The following ASH1L variants were observed in gnomAD, a reference collection of about 807,000 sequenced individuals.
ASH1L encodes the protein histone-lysine N-methyltransferase ASH1L.
A neutral mutation model predicts 269.0 loss-of-function variants in ASH1L; 23 were observed. That is an observed-to-expected ratio of 0.09 (90% CI 0.06 to 0.12). The LOEUF (loss-of-function observed/expected upper bound fraction) is 0.12. ASH1L is among the 10% of genes least tolerant of loss of function. ASH1L has a pLI of 1.00. For missense variants in ASH1L, 2,912 were observed against 3,567.8 expected (o/e 0.82, Z 4.68); for synonymous variants, 1,187 against 1,253.5 (o/e 0.95, Z 1.12).
intron 5 of ASH1L, among the ~76,000 whole-genome samples, chr1:155,416,978 C>A (rs1340240231): frequency 1.3e-5 from 2 of 149,202 alleles, no homozygotes; most frequent in African/African-American, 2.5e-5. Context: ...GTCTCCCAGG[C>A]TGGAGTGCAG....
chr1:155,506,124 T>C (rs1667802877), intron 2 of ASH1L, among the ~76,000 whole-genome samples: 1 of 152,212 alleles, frequency 6.6e-6, no homozygotes, highest in African/African-American at 2.4e-5. Flanking sequence ...TTGCTCAGAA[T>C]GATGGTTTCC....
intron 6 of ASH1L, among the ~76,000 whole-genome samples, chr1:155,411,586 A>AATAAATAAATAAATATAT (rs1297131961): frequency 5.4e-5 from 3 of 55,182 alleles, no homozygotes; most frequent in African/African-American, 7.9e-5. Context: ...TAAATAAATA[A>AATAAATAAATAAATATAT]ATATATATAT....
intron 12 of ASH1L, among the ~76,000 whole-genome samples, chr1:155,364,001 A>C (rs1013388157): frequency 3.3e-5 from 5 of 150,294 alleles, no homozygotes; most frequent in Non-Finnish European, 7.4e-5. Flanking sequence ...AACCAAAAAA[A>C]GGTATCTTCT....
chr1:155,556,468 A>G (rs6678010), intron 1 of ASH1L, among the ~76,000 whole-genome samples: 141,590 of 150,766 alleles, frequency 0.94, 67,161 homozygotes, highest in East Asian at 1. Flanking sequence ...TTTTTGAGAC[A>G]GAGTTTCACT....
At position 155,562,430 on chromosome 1, in the gene ASH1L, C is replaced by CGGCGGCGGCGGCGGCAGCAGCAGAGT. The variant is rs1166698902; in HGVS notation, c.-403_-378dup. 6 of 1,462,894 alleles carry CGGCGGCGGCGGCGGCAGCAGCAGAGT rather than the reference C, an allele frequency of 4.1e-6. No homozygotes were observed. Among genetic ancestry groups the CGGCGGCGGCGGCGGCAGCAGCAGAGT allele is most frequent in the Admixed American group, 2.0e-5 (1 of 50,640 alleles). The allele number at this position is 1,462,894 out of a possible 1,614,324, so 90.6% of individuals were successfully genotyped here. A position where few individuals can be genotyped will look rare whatever the true frequency, so the allele number is the denominator to read the frequency against. On this transcript the variant is annotated 5_prime_UTR_variant, in exon 1 of 28. Coordinates refer to ENST00000392403, the MANE Select transcript of ASH1L (RefSeq NM_018489.3). ...GAACCCAAAATGGCGGCGGGAGCGG[C>CGGCGGCGGCGGCGGCAGCAGCAGAGT]GGCGGCGGCGGCGGCAGCAGCAGAG... is the stretch of plus-strand genomic sequence containing the variant.
In ASH1L at chr1:155,415,734, T is replaced by G; in HGVS notation, c.6008+10A>C. ...AAAAGGGATGTTAGCTAATAGGTAC[T>G]ACTACTTACTCTGTAGTTTTGTAAA... is the stretch of plus-strand genomic sequence containing the variant. On this transcript the variant is annotated intron_variant, in intron 6 of 27. Transcript: ENST00000392403. The G allele has an allele frequency of 6.2e-7, 1 of 1,612,352 alleles. No individual in the cohort carries two copies. Among genetic ancestry groups the G allele is most frequent in the Non-Finnish European group, 8.5e-7 (1 of 1,179,150 alleles).
intron 12 of ASH1L, among the ~76,000 whole-genome samples, chr1:155,365,691 C>T (rs1219352580): frequency 6.6e-6 from 1 of 152,070 alleles, no homozygotes; most frequent in Non-Finnish European, 1.5e-5. Context: ...ATTAAGGAAC[C>T]AAACTTGGCT....
chr1:155,344,463 G>A, intron 21 of ASH1L, 190 bp from the exon 22 acceptor site: 2 of 509,280 alleles, frequency 3.9e-6, no homozygotes, highest in East Asian at 6.3e-5. Flanking sequence ...AAACTGATAG[G>A]CTAAGTATCT....
At chr1:155,519,542 C>T (rs1423670953) in intron 2 of ASH1L, among the ~76,000 whole-genome samples, 1 of 152,200 alleles carries the variant, frequency 6.6e-6, no homozygotes, top group East Asian at 1.9e-4. Context: ...AACATGGTTG[C>T]ACCTTGAGGA....
intron 3 of ASH1L, among the ~76,000 whole-genome samples, chr1:155,467,934 C>G (rs1664809661): frequency 6.6e-6 from 1 of 152,114 alleles, no homozygotes; most frequent in Admixed American, 6.5e-5. Context: ...GTCCTTTACC[C>G]AACATCCCCC....
intron 1 of ASH1L, among the ~76,000 whole-genome samples, chr1:155,543,656 G>A (rs1670595736): frequency 6.6e-6 from 1 of 151,894 alleles, no homozygotes; most frequent in Non-Finnish European, 1.5e-5. Flanking sequence ...AATAAGGCTG[G>A]CATGGTGGCT....
chr1:155,388,715 C>CT (rs142537672), intron 7 of ASH1L, among the ~76,000 whole-genome samples: 60,236 of 131,542 alleles, frequency 0.46, 14,985 homozygotes, highest in Middle Eastern at 0.58. Flanking sequence ...AATTGCGATT[C>CT]TTTTTTTTTT....
intron 5 of ASH1L, among the ~76,000 whole-genome samples, chr1:155,435,990 G>A (rs968233646): frequency 1.3e-5 from 2 of 152,160 alleles, no homozygotes; most frequent in Non-Finnish European, 2.9e-5. Context: ...GGTGGAGGGT[G>A]CAGTGAGTGG....
chr1:155,555,141 C>CAAA (rs546459143), intron 1 of ASH1L, among the ~76,000 whole-genome samples: 8 of 94,126 alleles, frequency 8.5e-5, no homozygotes, highest in Admixed American at 1.3e-4. Context: ...GAAACCGTCT[C>CAAA]AAAAAAAAAA....
intron 2 of ASH1L, among the ~76,000 whole-genome samples, chr1:155,509,183 A>T (rs1668001462): frequency 6.6e-6 from 1 of 152,156 alleles, no homozygotes; most frequent in Non-Finnish European, 1.5e-5. Context: ...AAAATACTTA[A>T]AACTGTATCA....
At chr1:155,416,284 C>A (rs1660201021) in intron 5 of ASH1L, among the ~76,000 whole-genome samples, 1 of 151,938 alleles carries the variant, frequency 6.6e-6, no homozygotes, top group Non-Finnish European at 1.5e-5. Context: ...GGGCACGCCA[C>A]CAGTTTTGTA....
intron 7 of ASH1L, among the ~76,000 whole-genome samples, chr1:155,387,381 G>A (rs1202325037): frequency 2.0e-5 from 3 of 152,166 alleles, no homozygotes; most frequent in Non-Finnish European, 2.9e-5. Flanking sequence ...ACCATTTACT[G>A]AATAGGGAAT....
chr1:155,526,562 C>T (rs765276288), intron 1 of ASH1L, among the ~76,000 whole-genome samples: 2 of 152,156 alleles, frequency 1.3e-5, no homozygotes, highest in Non-Finnish European at 2.9e-5. Flanking sequence ...ATACACTTCC[C>T]TAATCTATTC....
Position 155,435,849 on chromosome 1 carries a change from G to A in ASH1L, c.5828+2478C>T, listed in dbSNP as rs980046140. ...GTGGATCACCTGAGGTCAGGAGTTC[G>A]AGGCTAGCATGGCCAACATGGTGAA... On this transcript the variant is annotated intron_variant, in intron 5 of 27. Transcript: ENST00000392403. Among the ~76,000 whole-genome samples the A allele has an allele frequency of 3.9e-5, 6 of 152,096 alleles. No homozygotes were observed. In the South Asian group the frequency reaches 6.2e-4, roughly 16 times the overall value.
Sources: gnomAD v4.1 joint callset for allele counts (sites outside exome capture counted in the v4.1 genomes callset) on GRCh38, gnomAD v4.1.1 for gene constraint, MANE v1.5 for transcripts, NCBI Gene and HGNC (gene_info 2026-07-23, HGNC 2026-07-21) for gene names.